The following MNAT1 variants were observed in gnomAD, a reference collection of about 807,000 sequenced individuals.
The protein encoded by MNAT1 is MNAT1 component of CDK activating kinase.
In MNAT1, 43 loss-of-function variants were observed where a neutral mutation model predicts 42.0. The ratio of observed to expected loss-of-function variants is 1.02; its 90% CI spans 0.80 to 1.32. The LOEUF (loss-of-function observed/expected upper bound fraction) is 1.32. MNAT1 is among the 40% of genes most tolerant of loss of function. The pLI is 0.00. For synonymous variants in MNAT1, 118 were observed against 120.0 expected, an observed-to-expected ratio of 0.98 and a Z score of 0.11; for missense variants, 306 against 350.4, an observed-to-expected ratio of 0.87 and a Z score of 1.01.
chr14:60,859,676 A>G (rs1457502106), intron 6 of MNAT1, among the ~76,000 whole-genome samples: 1 of 152,158 alleles, frequency 6.6e-6, no homozygotes, highest in Non-Finnish European at 1.5e-5. Context: ...TTTTTAAGCA[A>G]TAGTATAATC....
At chr14:60,774,651 AG>A (rs2031183137) in intron 1 of MNAT1, among the ~76,000 whole-genome samples, 1 of 152,208 alleles carries the variant, frequency 6.6e-6, no homozygotes, top group Non-Finnish European at 1.5e-5. Flanking sequence ...AATAAGTGAT[AG>A]TGGCATATAA....
intron 6 of MNAT1, among the ~76,000 whole-genome samples, chr14:60,834,923 C>CCGTT (rs1555378560): frequency 2.1e-5 from 2 of 93,890 alleles, no homozygotes; most frequent in Non-Finnish European, 4.0e-5. Context: ...TTATGTAGTG[C>CCGTT]CCTTCCTTCC....
At chr14:60,803,903 A>G (rs761252071) in intron 3 of MNAT1, among the ~76,000 whole-genome samples, 8 of 152,224 alleles carry the variant, frequency 5.3e-5, no homozygotes, top group South Asian at 2.1e-4. Flanking sequence ...TTCTTATGGC[A>G]TTAACAATAG....
chr14:60,822,217 T>C (rs1309611028), intron 6 of MNAT1, among the ~76,000 whole-genome samples: 1 of 152,176 alleles, frequency 6.6e-6, no homozygotes, highest in East Asian at 1.9e-4. Flanking sequence ...GCTGGTGGTC[T>C]TTCTGTGTTT....
chr14:60,878,510 T>C (rs2034480657), intron 6 of MNAT1, among the ~76,000 whole-genome samples: 1 of 152,074 alleles, frequency 6.6e-6, no homozygotes, highest in African/African-American at 2.4e-5. Context: ...GCAGGAGCAT[T>C]GTTGTGGTGG....
chr14:60,747,233 C>A (rs1054529722), intron 1 of MNAT1, among the ~76,000 whole-genome samples: 1 of 151,822 alleles, frequency 6.6e-6, no homozygotes, highest in African/African-American at 2.4e-5. Context: ...ATCTGCCCGC[C>A]CTGGCCTCCC....
At chr14:60,961,336 C>T (rs961845386) in intron 7 of MNAT1, among the ~76,000 whole-genome samples, 1 of 152,196 alleles carries the variant, frequency 6.6e-6, no homozygotes, top group Admixed American at 6.5e-5. Context: ...TAAACATTTT[C>T]TATAAGGCCA....
chr14:60,898,866 T>C (rs1443909674), intron 7 of MNAT1, among the ~76,000 whole-genome samples: 1 of 152,122 alleles, frequency 6.6e-6, no homozygotes, highest in African/African-American at 2.4e-5. Context: ...CCTTTGTTTT[T>C]TTCTAGTAGT....
chr14:60,868,661 G>A (rs1326014807), intron 6 of MNAT1, among the ~76,000 whole-genome samples: 1 of 152,104 alleles, frequency 6.6e-6, no homozygotes, highest in Non-Finnish European at 1.5e-5. Context: ...CTTTTCAGTA[G>A]GTGGTTATAT....
rs201741974 is a variant in MNAT1 at position 60,913,548 on chromosome 14, C to G, written c.809+33713C>G. On this transcript the variant is annotated intron_variant, in intron 7 of 7. Transcript: ENST00000261245. ...GTTTTTTAGTTTTCCTTCTAACAGT[C>G]AGGACCCTCAGCTGCAGGTCTGTTG... is the stretch of plus-strand genomic sequence containing the variant. Among the ~76,000 whole-genome samples, 8 of 152,128 alleles carry G rather than the reference C, an allele frequency of 5.3e-5. No homozygotes were observed. The East Asian group carries it at 1.5e-3, about 29-fold the overall frequency.
intron 6 of MNAT1, among the ~76,000 whole-genome samples, chr14:60,838,191 G>C (rs1428963949): frequency 6.6e-6 from 1 of 151,946 alleles, no homozygotes; most frequent in African/African-American, 2.4e-5. Context: ...CTGGAAGGCA[G>C]TGGGGGCGAT....
intron 6 of MNAT1, among the ~76,000 whole-genome samples, chr14:60,878,785 T>C (rs568335479): frequency 2.0e-5 from 3 of 152,258 alleles, no homozygotes; most frequent in African/African-American, 4.8e-5. Context: ...GGTAAAGGCA[T>C]GTTTCATCTC....
intron 1 of MNAT1, among the ~76,000 whole-genome samples, chr14:60,742,083 T>C (rs1174189949): frequency 6.6e-6 from 1 of 151,986 alleles, no homozygotes; most frequent in African/African-American, 2.4e-5. Flanking sequence ...TTTTTATTTA[T>C]TTTTATTTTT....
chr14:60,838,206 G>A (rs1416261856), intron 6 of MNAT1, among the ~76,000 whole-genome samples: 1 of 151,804 alleles, frequency 6.6e-6, no homozygotes, highest in African/African-American at 2.4e-5. Flanking sequence ...GGCGATCACT[G>A]CTCAATGCAG....
At chr14:60,890,615 A>G (rs572019702) in intron 7 of MNAT1, among the ~76,000 whole-genome samples, 1 of 152,332 alleles carries the variant, frequency 6.6e-6, no homozygotes, top group Non-Finnish European at 1.5e-5. Context: ...TCTGTGGCCG[A>G]AGGCTTGAGT....
chr14:60,909,840 G>A (rs2035306793), intron 7 of MNAT1, among the ~76,000 whole-genome samples: 1 of 151,806 alleles, frequency 6.6e-6, no homozygotes, highest in African/African-American at 2.4e-5. Flanking sequence ...CTTTAAAGTA[G>A]TTTTTTCCAA....
chr14:60,934,665 A>T (rs1311713563), intron 7 of MNAT1, among the ~76,000 whole-genome samples: 4 of 152,230 alleles, frequency 2.6e-5, no homozygotes, highest in Non-Finnish European at 5.9e-5. Flanking sequence ...CTATAAGTGC[A>T]ATTAAACTTC....
At chr14:60,866,232 G>A (rs2034199018) in intron 6 of MNAT1, among the ~76,000 whole-genome samples, 1 of 150,512 alleles carries the variant, frequency 6.6e-6, no homozygotes, top group African/African-American at 2.4e-5. Flanking sequence ...TACATAAAGA[G>A]ATTAAAATAT....
intron 4 of MNAT1, among the ~76,000 whole-genome samples, chr14:60,810,325 A>G (rs1357068515): frequency 6.6e-6 from 1 of 151,576 alleles, no homozygotes; most frequent in East Asian, 1.9e-4. Flanking sequence ...TCTGTTTTCT[A>G]TTTCATTTAT....
Sources: gnomAD v4.1 joint callset for allele counts (sites outside exome capture counted in the v4.1 genomes callset) on GRCh38, gnomAD v4.1.1 for gene constraint, MANE v1.5 for transcripts, NCBI Gene and HGNC (gene_info 2026-07-23, HGNC 2026-07-21) for gene names.